The following CACNA2D3 variants were observed in gnomAD, a reference collection of about 807,000 sequenced individuals.
CACNA2D3 encodes the protein calcium voltage-gated channel auxiliary subunit alpha2delta 3.
A neutral mutation model predicts 160.6 loss-of-function variants in CACNA2D3; 60 were observed. The ratio of observed to expected loss-of-function variants is 0.37; its 90% CI spans 0.30 to 0.46. The LOEUF is 0.46. Ranked by LOEUF, CACNA2D3 falls within the 20% of genes least tolerant of loss-of-function variation. The probability of loss-of-function intolerance (pLI) is 1.00; values close to 1 mark genes in which losing one functional copy is unlikely to be tolerated. For synonymous variants in CACNA2D3, 558 were observed against 492.9 expected, an observed-to-expected ratio of 1.13 and a Z score of -1.75; for missense variants, 1,205 against 1,365.0, an observed-to-expected ratio of 0.88 and a Z score of 1.85.
At chr3:54,460,047 T>C (rs1700471250) in intron 4 of CACNA2D3, among the ~76,000 whole-genome samples, 1 of 152,172 alleles carries the variant, frequency 6.6e-6, no homozygotes, top group Non-Finnish European at 1.5e-5. Flanking sequence ...TCCCCATTGC[T>C]TGTTTTTCTC....
At chr3:54,849,112 C>T (rs1313101516) in intron 17 of CACNA2D3, among the ~76,000 whole-genome samples, 1 of 152,074 alleles carries the variant, frequency 6.6e-6, no homozygotes, top group Non-Finnish European at 1.5e-5. Flanking sequence ...GTACATACAC[C>T]ATCAGTTTTC....
chr3:54,162,808 C>A (rs80137354), intron 2 of CACNA2D3, among the ~76,000 whole-genome samples: 1 of 152,016 alleles, frequency 6.6e-6, no homozygotes, highest in Admixed American at 6.6e-5. Flanking sequence ...TTCAGAGATA[C>A]GTAAGACAGA....
chr3:54,147,332 C>A lies in CACNA2D3; in HGVS notation c.204+23738C>A, dbSNP rs184151550. The stretch of plus-strand genomic sequence containing the variant: ...GCTTGGCACAGAGGAAGCGTTGGCT[C>A]TTCTGACTCTAAAAACCAGTATTTG... On this transcript the variant is annotated intron_variant, in intron 2 of 37. Transcript: ENST00000474759. 2.0e-5 allele frequency among the ~76,000 whole-genome samples: 3 copies of A among 152,342 alleles called. No individual in the cohort carries two copies. In the East Asian group the frequency reaches 5.8e-4, roughly 29 times the overall value.
At chr3:54,450,166 A>C (rs1434918124) in intron 4 of CACNA2D3, among the ~76,000 whole-genome samples, 1 of 152,168 alleles carries the variant, frequency 6.6e-6, no homozygotes, top group East Asian at 1.9e-4. Context: ...TTCATAACAC[A>C]GTGCCACAGA....
chr3:54,908,215 C>T (rs1158555347), intron 27 of CACNA2D3, among the ~76,000 whole-genome samples: 2 of 151,166 alleles, frequency 1.3e-5, no homozygotes, highest in Admixed American at 6.6e-5. Flanking sequence ...CTTTCTAATA[C>T]TGTCTGTCTT....
chr3:54,615,378 T>C (rs1698828326), intron 9 of CACNA2D3, among the ~76,000 whole-genome samples: 1 of 152,124 alleles, frequency 6.6e-6, no homozygotes, highest in South Asian at 2.1e-4. Context: ...TCACCATCAA[T>C]TAAAATAGAG....
chr3:54,508,922 AG>A (rs1328846588), intron 5 of CACNA2D3, among the ~76,000 whole-genome samples: 1 of 152,216 alleles, frequency 6.6e-6, no homozygotes, highest in African/African-American at 2.4e-5. Context: ...TCTTCTAAAA[AG>A]CCCAAGAAAA....
chr3:54,762,598 G>T (rs1341854749), intron 12 of CACNA2D3, among the ~76,000 whole-genome samples: 1 of 152,200 alleles, frequency 6.6e-6, no homozygotes, highest in Admixed American at 6.5e-5. Flanking sequence ...ATGTGTGAAT[G>T]AAGGGCTCCC....
chr3:54,388,611 A>T (rs930155652), intron 4 of CACNA2D3, among the ~76,000 whole-genome samples: 1 of 152,234 alleles, frequency 6.6e-6, no homozygotes, highest in African/African-American at 2.4e-5. Flanking sequence ...GCTGCTGAGA[A>T]GGGACAGAAG....
At chr3:54,676,826 G>T (rs560641937) in intron 11 of CACNA2D3, among the ~76,000 whole-genome samples, 2 of 152,128 alleles carry the variant, frequency 1.3e-5, no homozygotes, top group Non-Finnish European at 2.9e-5. Flanking sequence ...AGATAGATTG[G>T]CCAGGGCTAA....
intron 27 of CACNA2D3, among the ~76,000 whole-genome samples, chr3:54,947,865 G>A (rs1701653744): frequency 6.6e-6 from 1 of 152,186 alleles, no homozygotes; most frequent in African/African-American, 2.4e-5. Context: ...TCACTAGGGA[G>A]CTGCTTCAAA....
chr3:54,355,079 T>A (rs1284248590), intron 3 of CACNA2D3, among the ~76,000 whole-genome samples: 2 of 152,234 alleles, frequency 1.3e-5, no homozygotes, highest in African/African-American at 4.8e-5. Flanking sequence ...ATGGTAAGTG[T>A]GCTTCAGAGA....
At chr3:54,742,863 C>G (rs976071464) in intron 11 of CACNA2D3, among the ~76,000 whole-genome samples, 1 of 152,162 alleles carries the variant, frequency 6.6e-6, no homozygotes, top group Non-Finnish European at 1.5e-5. Flanking sequence ...TTTCTGGTCC[C>G]TGACTATGAG....
chr3:54,654,567 G>A lies in CACNA2D3; in HGVS notation c.1167+12326G>A, dbSNP rs139333075. Among the ~76,000 whole-genome samples, 1,324 of 152,168 alleles carry A rather than the reference G, an allele frequency of 8.7e-3. 6 individuals are homozygous for A. Among genetic ancestry groups the A allele is most frequent in the Non-Finnish European group, 0.012 (828 of 67,978 alleles). ...AGTTCGTATGGGAGGAGGGGCAGAG[G>A]AAAGAAAGAGGTTACTAAAATTTAG... On this transcript the variant is annotated intron_variant, in intron 11 of 37. Transcript: ENST00000474759.
chr3:54,145,414 A>G (rs1396943582), intron 2 of CACNA2D3, among the ~76,000 whole-genome samples: 2 of 152,192 alleles, frequency 1.3e-5, no homozygotes, highest in East Asian at 3.8e-4. Context: ...CTTTACTGCT[A>G]GCTTGAAAAA....
intron 27 of CACNA2D3, among the ~76,000 whole-genome samples, chr3:54,902,114 A>G (rs1444860588): frequency 1.3e-5 from 2 of 152,192 alleles, no homozygotes; most frequent in Admixed American, 6.5e-5. Context: ...GCCGACTGGC[A>G]GGAATGTTAG....
At chr3:54,444,947 G>A (rs939667672) in intron 4 of CACNA2D3, among the ~76,000 whole-genome samples, 1 of 152,210 alleles carries the variant, frequency 6.6e-6, no homozygotes, top group Non-Finnish European at 1.5e-5. Context: ...CCATGAAGCC[G>A]TCTTCTCATT....
intron 3 of CACNA2D3, among the ~76,000 whole-genome samples, chr3:54,345,691 G>A (rs72988018): frequency 0.013 from 1,979 of 152,226 alleles, 38 homozygotes; most frequent in African/African-American, 0.046. Flanking sequence ...TTAATGGAGT[G>A]TCTAGCGACT....
chr3:54,937,437 C>A (rs1009738750), intron 27 of CACNA2D3, among the ~76,000 whole-genome samples: 2 of 152,160 alleles, frequency 1.3e-5, no homozygotes, highest in Non-Finnish European at 2.9e-5. Context: ...CCTGTGGAAC[C>A]CACATGTAGG....
Sources: gnomAD v4.1 joint callset for allele counts (sites outside exome capture counted in the v4.1 genomes callset) on GRCh38, gnomAD v4.1.1 for gene constraint, MANE v1.5 for transcripts, NCBI Gene and HGNC (gene_info 2026-07-23, HGNC 2026-07-21) for gene names.